The following CYP2C19 variants were observed in gnomAD, a reference collection of about 807,000 sequenced individuals.
CYP2C19 encodes cytochrome P450 2C19.
In CYP2C19, 59 loss-of-function variants were observed where a neutral mutation model predicts 40.9. The ratio of observed to expected loss-of-function variants is 1.44; its 90% CI spans 1.17 to 1.79. The LOEUF is 1.79. CYP2C19 is among the 40% of genes most tolerant of loss of function. The pLI is 0.00. For missense variants in CYP2C19, 754 were observed against 596.9 expected, an observed-to-expected ratio of 1.26 and a Z score of -2.74; for synonymous variants, 253 against 208.7, an observed-to-expected ratio of 1.21 and a Z score of -1.83.
At chr10:94,827,724 C>T (rs1003138136) in intron 6 of CYP2C19, among the ~76,000 whole-genome samples, 37 of 152,070 alleles carry the variant, frequency 2.4e-4, no homozygotes, top group African/African-American at 8.5e-4. Flanking sequence ...TGTGTTTGCT[C>T]TTGCTTTTCT....
At chr10:94,803,228 T>A (rs1003549840) in intron 5 of CYP2C19, among the ~76,000 whole-genome samples, 3 of 152,168 alleles carry the variant, frequency 2.0e-5, no homozygotes, top group Non-Finnish European at 4.4e-5. Context: ...GATAGAATTG[T>A]TTTCTCTCCC....
chr10:94,780,665 G>A lies in CYP2C19; in HGVS notation c.642+6G>A, dbSNP rs200936950. 86 of 1,613,320 alleles carry A rather than the reference G, an allele frequency of 5.3e-5. 2 individuals are homozygous for A. The Admixed American group carries it at 1.2e-3, about 22-fold the overall frequency. ...TAAGCACCCCCTGGATCCAGGTAAG[G>A]CCAAGTTTTTTGCTTCCTGAGAAAC... On this transcript the variant is annotated splice_donor_region_variant and intron_variant, in intron 4 of 8. Coordinates refer to ENST00000371321, the MANE Select transcript of CYP2C19 (RefSeq NM_000769.4).
At chr10:94,798,604 C>T (rs1405875277) in intron 5 of CYP2C19, among the ~76,000 whole-genome samples, 1 of 151,910 alleles carries the variant, frequency 6.6e-6, no homozygotes, top group Non-Finnish European at 1.5e-5. Context: ...TAAAGTCTGC[C>T]ATTATTATTG....
intron 6 of CYP2C19, among the ~76,000 whole-genome samples, chr10:94,827,626 A>C (rs907372162): frequency 6.6e-6 from 1 of 152,094 alleles, no homozygotes; most frequent in Admixed American, 6.6e-5. Flanking sequence ...TCCTGGATTC[A>C]TTAATTTTTT....
intron 1 of CYP2C19, among the ~76,000 whole-genome samples, chr10:94,764,114 AC>A (rs1208193014): frequency 6.6e-6 from 1 of 152,050 alleles, no homozygotes; most frequent in Non-Finnish European, 1.5e-5. Context: ...GGTAGTGTGG[AC>A]CCAAAGAGTG....
At chr10:94,781,716 T>C (rs914811909) in intron 4 of CYP2C19, 105 bp from the exon 5 acceptor site, 4 of 463,654 alleles carry the variant, frequency 8.6e-6, no homozygotes, top group Non-Finnish European at 1.4e-5. Context: ...ATATACAATA[T>C]ATTTTATTTA....
intron 3 of CYP2C19, chr10:94,776,306 G>C (rs1214999238): frequency 6.6e-6 from 1 of 151,792 alleles, no homozygotes; most frequent in Non-Finnish European, 1.5e-5. Context: ...AGTATAATTT[G>C]GCTCTGTTTC....
chr10:94,852,887 C>G lies in CYP2C19; in HGVS notation c.1446C>G (p.Phe482Leu). 6.2e-7 allele frequency: 1 copy of G among 1,614,036 alleles called. No homozygotes were observed. The highest frequency in any genetic ancestry group is 2.2e-5 in the East Asian group (1 of 44,876). ...ATGGATTTGCTTCTGTCCCGCCCTT[C>G]TATCAGCTGTGCTTCATTCCTGTCT... ...VVNGFASVPP[F>L]YQLCFIPV Residue 482 changes from phenylalanine (F) to leucine (L), a missense_variant, in exon 9 of 9, where the codon TTC (phenylalanine) becomes TTG (leucine). By Grantham distance (22) the Phe-to-Leu change is conservative. Transcript: ENST00000371321.
chr10:94,842,898 C>T lies in CYP2C19; in HGVS notation c.1023C>T (p.Asp341=). 1.2e-6 allele frequency: 2 copies of T among 1,614,216 alleles called. No individual in the cohort carries two copies. The highest frequency in any genetic ancestry group is 1.7e-6 in the Non-Finnish European group (2 of 1,180,036). Residue 341 remains aspartate (D), a synonymous_variant, in exon 7 of 9, where the codon GAC becomes GAT. Transcript: ENST00000371321. Reference sequence around the variant, plus strand: ...GAAACCGGAGCCCCTGCATGCAGGACAGGGGCCACATGCCCTACACAGATG... The same window carrying T: ...GAAACCGGAGCCCCTGCATGCAGGATAGGGGCCACATGCCCTACACAGATG... ...IGRNRSPCMQ[D]RGHMPYTDAV... is the part of the protein sequence containing the mutation.
At chr10:94,798,633 T>C (rs763590406) in intron 5 of CYP2C19, among the ~76,000 whole-genome samples, 20 of 152,066 alleles carry the variant, frequency 1.3e-4, no homozygotes, top group Non-Finnish European at 2.2e-4. Flanking sequence ...CCTAAGTCTT[T>C]GTAGGTCTCT....
At chr10:94,816,535 T>C (rs1414048138) in intron 5 of CYP2C19, among the ~76,000 whole-genome samples, 1 of 151,140 alleles carries the variant, frequency 6.6e-6, no homozygotes, top group East Asian at 1.9e-4. Flanking sequence ...TACTTATTTA[T>C]TTTTTTAATT....
intron 5 of CYP2C19, among the ~76,000 whole-genome samples, chr10:94,806,532 G>A (rs1234515853): frequency 2.0e-5 from 3 of 150,890 alleles, no homozygotes; most frequent in African/African-American, 7.3e-5. Flanking sequence ...AGGACATGAG[G>A]GTTCCAATTT....
At chr10:94,785,012 A>T (rs982783779) in intron 5 of CYP2C19, among the ~76,000 whole-genome samples, 1 of 152,036 alleles carries the variant, frequency 6.6e-6, no homozygotes, top group Admixed American at 6.6e-5. Context: ...ATTTAAATTA[A>T]GTTGCCTTTA....
At chr10:94,844,675 C>T (rs1849545389) in intron 7 of CYP2C19, among the ~76,000 whole-genome samples, 1 of 151,872 alleles carries the variant, frequency 6.6e-6, no homozygotes, top group African/African-American at 2.4e-5. Context: ...GTTAATTTAC[C>T]AAGAGATTAT....
At chr10:94,782,188 G>A (rs1220577982) in intron 5 of CYP2C19, among the ~76,000 whole-genome samples, 191 bp downstream of exon 5, 1 of 152,004 alleles carries the variant, frequency 6.6e-6, no homozygotes, top group Non-Finnish European at 1.5e-5. Flanking sequence ...TAAATAATTA[G>A]AATACATAGA....
intron 5 of CYP2C19, among the ~76,000 whole-genome samples, 191 bp from the exon 6 acceptor site, chr10:94,820,305 G>A (rs1849093367): frequency 6.6e-6 from 1 of 151,932 alleles, no homozygotes; most frequent in Admixed American, 6.6e-5. Flanking sequence ...GCAAAAACTG[G>A]AAGCATTCCC....
intron 7 of CYP2C19, among the ~76,000 whole-genome samples, chr10:94,844,174 T>C (rs1849539172): frequency 6.6e-6 from 1 of 152,196 alleles, no homozygotes; most frequent in South Asian, 2.1e-4. Context: ...CGTCTCCACT[T>C]TTCTTCTTGT....
At chr10:94,804,558 C>T (rs1848807953) in intron 5 of CYP2C19, among the ~76,000 whole-genome samples, 1 of 152,212 alleles carries the variant, frequency 6.6e-6, no homozygotes, top group Non-Finnish European at 1.5e-5. Context: ...GTTCAAGCCT[C>T]TCCCCACCTT....
At chr10:94,839,059 C>T (rs1263012082) in intron 6 of CYP2C19, among the ~76,000 whole-genome samples, 2 of 152,328 alleles carry the variant, frequency 1.3e-5, no homozygotes, top group South Asian at 2.1e-4. Context: ...GGGAAGCCAA[C>T]ACCCCTAGTC....
Sources: gnomAD v4.1 joint callset for allele counts (sites outside exome capture counted in the v4.1 genomes callset) on GRCh38, gnomAD v4.1.1 for gene constraint, MANE v1.5 for transcripts, NCBI Gene and HGNC (gene_info 2026-07-23, HGNC 2026-07-21) for gene names.